Variants in CBLB observed in about 807,000 individuals in gnomAD.
CBLB encodes the protein Cbl proto-oncogene B.
Under a neutral mutation model 104.9 loss-of-function variants are expected in CBLB, and 31 were observed. That is an observed-to-expected ratio of 0.30 (90% CI 0.22 to 0.40). The LOEUF (loss-of-function observed/expected upper bound fraction) is 0.40, where lower values mean the gene tolerates loss of function less well. Ranked by LOEUF, CBLB falls within the 10% of genes least tolerant of loss-of-function variation. The pLI, the probability that CBLB is intolerant of heterozygous loss-of-function variation, is 1.00. For missense variants in CBLB, 1,062 were observed against 1,214.6 expected (o/e 0.87, Z 1.87); for synonymous variants, 440 against 422.6 (o/e 1.04, Z -0.51).
chr3:105,735,742 G>A (rs2074854639), intron 8 of CBLB, among the ~76,000 whole-genome samples: 1 of 152,072 alleles, frequency 6.6e-6, no homozygotes, highest in Non-Finnish European at 1.5e-5. Flanking sequence ...CCTGAGGTCA[G>A]GAGTTTGATC....
In CBLB at chr3:105,743,635, CAAT is replaced by C. The variant is rs138492151; in HGVS notation, c.845+2279_845+2281del. 6.0e-3 allele frequency among the ~76,000 whole-genome samples: 904 copies of C among 151,014 alleles called. 29 individuals are homozygous for C. Among genetic ancestry groups the C allele is most frequent in the East Asian group, 0.051 (260 of 5,144 alleles). Reference sequence around the variant, plus strand: ...ACTCATATTTTGTCAGATGGATCCCCAATAATAAAGCACAACCTAAGGAGCCAA... The same window carrying C: ...ACTCATATTTTGTCAGATGGATCCCCAATAAAGCACAACCTAAGGAGCCAA... On this transcript the variant is annotated intron_variant, in intron 6 of 18. Coordinates refer to ENST00000394030, the MANE Select transcript of CBLB (RefSeq NM_170662.5).
intron 9 of CBLB, among the ~76,000 whole-genome samples, chr3:105,723,635 T>C (rs2073191657): frequency 6.6e-6 from 1 of 152,098 alleles, no homozygotes; most frequent in Non-Finnish European, 1.5e-5. Flanking sequence ...ACCTTCATAA[T>C]ACTACATTCT....
At chr3:105,742,058 T>C (rs968784739) in intron 6 of CBLB, among the ~76,000 whole-genome samples, 18 of 152,242 alleles carry the variant, frequency 1.2e-4, no homozygotes, top group African/African-American at 3.4e-4. Flanking sequence ...TGTATTCATT[T>C]AGCTATCTAT....
At chr3:105,868,359 TG>T (rs1233928973) in intron 1 of CBLB, 10 of 505,878 alleles carry the variant, frequency 2.0e-5, no homozygotes, top group Non-Finnish European at 2.8e-5. Context: ...GTCCCTTCCC[TG>T]CTCAGGCCCC....
At chr3:105,780,772 C>A (rs1375526583) in intron 3 of CBLB, among the ~76,000 whole-genome samples, 1 of 147,134 alleles carries the variant, frequency 6.8e-6, no homozygotes, top group Non-Finnish European at 1.5e-5. Context: ...ATGCCATTCT[C>A]CTGCCTCAGC....
At chr3:105,725,641 C>T (rs569813717) in intron 9 of CBLB, among the ~76,000 whole-genome samples, 6 of 152,190 alleles carry the variant, frequency 3.9e-5, no homozygotes, top group African/African-American at 7.2e-5. Flanking sequence ...TTACTCCCAA[C>T]GTGAAAGGGA....
At chr3:105,858,851 T>TTAA (rs2091854882) in intron 2 of CBLB, among the ~76,000 whole-genome samples, 1 of 152,180 alleles carries the variant, frequency 6.6e-6, no homozygotes, top group African/African-American at 2.4e-5. Flanking sequence ...AGTTTTGTAT[T>TTAA]TGCTTAAATG....
intron 18 of CBLB, among the ~76,000 whole-genome samples, chr3:105,666,847 G>A (rs1227086107): frequency 6.6e-6 from 1 of 152,136 alleles, no homozygotes; most frequent in Non-Finnish European, 1.5e-5. Context: ...TCAAACTGAA[G>A]CTGTCTGTAA....
At chr3:105,827,620 GGAGGGAAAGACAT>G (rs1262646282) in intron 3 of CBLB, among the ~76,000 whole-genome samples, 6 of 152,062 alleles carry the variant, frequency 3.9e-5, no homozygotes, top group African/African-American at 1.4e-4. Context: ...GGCAGAAAGG[GGAGGGAAAGACAT>G]GAGGGAGGAA....
intron 3 of CBLB, among the ~76,000 whole-genome samples, chr3:105,788,494 T>A (rs2081281423): frequency 1.3e-5 from 2 of 152,170 alleles, no homozygotes; most frequent in Admixed American, 1.3e-4. Flanking sequence ...TTTACGAATT[T>A]GTGTTGAGCT....
chr3:105,847,262 CCAAA>C (rs1354498429), intron 3 of CBLB, among the ~76,000 whole-genome samples: 4 of 151,932 alleles, frequency 2.6e-5, no homozygotes, highest in South Asian at 2.1e-4. Context: ...CTTTGTTTAG[CCAAA>C]CAGTCAATGG....
chr3:105,700,457 A>G (rs1266650343), intron 12 of CBLB, among the ~76,000 whole-genome samples: 1 of 151,954 alleles, frequency 6.6e-6, no homozygotes, highest in Admixed American at 6.6e-5. Flanking sequence ...ATATGAATAA[A>G]AAGTAAAGCT....
intron 3 of CBLB, among the ~76,000 whole-genome samples, chr3:105,803,359 A>G (rs1196229307): frequency 1.3e-5 from 2 of 152,124 alleles, no homozygotes; most frequent in Non-Finnish European, 2.9e-5. Flanking sequence ...GGCGGCTTGC[A>G]TGTCTCAGAT....
At chr3:105,675,480 T>TGA (rs2065504532) in intron 17 of CBLB, among the ~76,000 whole-genome samples, 1 of 152,216 alleles carries the variant, frequency 6.6e-6, no homozygotes, top group Non-Finnish European at 1.5e-5. Context: ...AAAAAAATCT[T>TGA]TATGCTCTAT....
chr3:105,733,333 G>T (rs1576700420), intron 9 of CBLB, among the ~76,000 whole-genome samples: 1 of 151,476 alleles, frequency 6.6e-6, no homozygotes, highest in East Asian at 1.9e-4. Flanking sequence ...CTCCAGCCTG[G>T]GCGACAGAGC....
intron 2 of CBLB, among the ~76,000 whole-genome samples, chr3:105,854,449 CTT>C (rs2091340659): frequency 6.6e-6 from 1 of 152,160 alleles, no homozygotes. Flanking sequence ...ATAATCAACT[CTT>C]TACATAAATA....
At chr3:105,830,886 T>C (rs188871073) in intron 3 of CBLB, among the ~76,000 whole-genome samples, 3 of 152,334 alleles carry the variant, frequency 2.0e-5, no homozygotes, top group African/African-American at 7.2e-5. Context: ...CCATATAGCA[T>C]GTAGTCTAGT....
Position 105,853,975 on chromosome 3 carries a change from CT to C in CBLB, c.169-312del, listed in dbSNP as rs906342314. On this transcript the variant is annotated intron_variant, in intron 2 of 18. Coordinates refer to ENST00000394030, the MANE Select transcript of CBLB (RefSeq NM_170662.5). ...CTAATCACTGTATATCACTGATAGT[CT>C]TTTTTTTTAAATAAAAATGAGGAAA... 1.2e-4 allele frequency among the ~76,000 whole-genome samples: 18 copies of C among 151,402 alleles called. No homozygotes were observed. In the East Asian group the frequency reaches 3.5e-3, roughly 29 times the overall value.
intron 10 of CBLB, among the ~76,000 whole-genome samples, chr3:105,705,604 C>T (rs2069969782): frequency 6.6e-6 from 1 of 152,140 alleles, no homozygotes; most frequent in Admixed American, 6.5e-5. Context: ...AGGAGTAGGA[C>T]CACGGAAGTA....
Sources: allele counts gnomAD v4.1 joint callset (sites outside exome capture counted in the v4.1 genomes callset), GRCh38; gene constraint gnomAD v4.1.1; transcripts MANE v1.5; gene names NCBI Gene and HGNC (gene_info 2026-07-23, HGNC 2026-07-21).